The following PTPN14 variants were observed in gnomAD, a reference collection of about 807,000 sequenced individuals.
PTPN14 encodes protein tyrosine phosphatase non-receptor type 14, also known as tyrosine-protein phosphatase non-receptor type 14.
A neutral mutation model predicts 126.8 loss-of-function variants in PTPN14; 53 were observed. The observed-to-expected ratio is 0.42, with a 90% CI of 0.34 to 0.53. The LOEUF is 0.53. Ranked by LOEUF, PTPN14 falls within the 20% of genes least tolerant of loss-of-function variation. The probability of loss-of-function intolerance (pLI) is 0.08; values close to 1 mark genes in which losing one functional copy is unlikely to be tolerated. For synonymous variants in PTPN14, 630 were observed against 599.3 expected (o/e 1.05, Z -0.75); for missense variants, 1,257 against 1,552.9 (o/e 0.81, Z 3.20).
chr1:214,393,161 G>A (rs868182458), intron 10 of PTPN14, among the ~76,000 whole-genome samples: 12 of 152,164 alleles, frequency 7.9e-5, no homozygotes, highest in African/African-American at 1.9e-4. Context: ...AAATACACAC[G>A]GATTTGTGAC....
chr1:214,509,341 GC>G (rs1654915452), intron 1 of PTPN14, among the ~76,000 whole-genome samples: 1 of 152,208 alleles, frequency 6.6e-6, no homozygotes, highest in Non-Finnish European at 1.5e-5. Context: ...TATGGAAACA[GC>G]TTCTTTCCTT....
rs17022853 is a variant in PTPN14 at position 214,414,569 on chromosome 1, A to G, written c.442+60T>C. The G allele has an allele frequency of 2.3e-3, 3,389 of 1,447,364 alleles. 72 individuals carry two copies. The African/African-American group carries it at 0.04, about 17-fold the overall frequency. 89.7% of individuals were successfully genotyped at this position (1,447,364 alleles called of 1,614,324 possible). On this transcript the variant is annotated intron_variant, in intron 4 of 18. Transcript: ENST00000366956. ...ATCTAACTTCTCACTCTGAGAGGCC[A>G]GCAACACCATGATCAAACAGAAAAT...
chr1:214,486,771 T>C (rs1349273960), intron 1 of PTPN14, among the ~76,000 whole-genome samples: 1 of 151,990 alleles, frequency 6.6e-6, no homozygotes, highest in African/African-American at 2.4e-5. Flanking sequence ...CCCTGAACCC[T>C]CTCCCATTCC....
chr1:214,489,801 T>C (rs926387044), intron 1 of PTPN14, among the ~76,000 whole-genome samples: 2 of 152,172 alleles, frequency 1.3e-5, no homozygotes, highest in African/African-American at 4.8e-5. Flanking sequence ...AAGGACTTAT[T>C]CTAGGATGGT....
intron 3 of PTPN14, among the ~76,000 whole-genome samples, chr1:214,428,565 C>T (rs1659721027): frequency 6.6e-6 from 1 of 152,192 alleles, no homozygotes; most frequent in African/African-American, 2.4e-5. Flanking sequence ...CTCAAATCCT[C>T]TGCCTATTTT....
intron 1 of PTPN14, among the ~76,000 whole-genome samples, chr1:214,499,388 T>C (rs1360216976): frequency 2.6e-5 from 4 of 152,084 alleles, no homozygotes; most frequent in Non-Finnish European, 5.9e-5. Context: ...GGCATATATA[T>C]ATATATATGC....
intron 5 of PTPN14, among the ~76,000 whole-genome samples, chr1:214,406,914 G>A (rs1659185243): frequency 6.6e-6 from 1 of 152,076 alleles, no homozygotes; most frequent in South Asian, 2.1e-4. Flanking sequence ...TGAGAGTAAG[G>A]CGAATAAGAA....
intron 1 of PTPN14, among the ~76,000 whole-genome samples, chr1:214,525,854 TAGG>T (rs1274139346): frequency 2.0e-5 from 3 of 152,000 alleles, no homozygotes; most frequent in Non-Finnish European, 4.4e-5. Context: ...TGGGGGATGG[TAGG>T]AGGAGGTGCA....
Position 214,355,959 on chromosome 1 carries a change from C to CTTTTTTTTTTTTTTTTTTTTTT in PTPN14, c.*1962_*1963insAAAAAAAAAAAAAAAAAAAAAA. The CTTTTTTTTTTTTTTTTTTTTTT allele has an allele frequency of 9.8e-6, 1 of 101,652 alleles. No individual in the cohort carries two copies. Among genetic ancestry groups the CTTTTTTTTTTTTTTTTTTTTTT allele is most frequent in the South Asian group, 3.3e-4 (1 of 3,044 alleles). 6.3% of individuals were successfully genotyped at this position (101,652 alleles called of 1,614,324 possible). A position where few individuals can be genotyped will look rare whatever the true frequency, so the allele number is the denominator to read the frequency against. On this transcript the variant is annotated 3_prime_UTR_variant, in exon 19 of 19. Transcript: ENST00000366956. ...TAGTTTTTCTTGACAACCTTTTTTC[C>CTTTTTTTTTTTTTTTTTTTTTT]TTTTTTTTTTTTTTTTTTGGAGGCA...
intron 3 of PTPN14, among the ~76,000 whole-genome samples, chr1:214,414,990 C>T (rs1310125010): frequency 1.3e-5 from 2 of 152,146 alleles, no homozygotes; most frequent in Non-Finnish European, 2.9e-5. Flanking sequence ...CGGGATAAAC[C>T]ACTGATAAGG....
At chr1:214,411,643 G>T (rs202229912) in intron 5 of PTPN14, 41 bp downstream of exon 5, 2 of 1,349,416 alleles carry the variant, frequency 1.5e-6, no homozygotes, top group Non-Finnish European at 2.1e-6. Flanking sequence ...AATGTCCAAA[G>T]AAGGTAGAAA....
intron 3 of PTPN14, among the ~76,000 whole-genome samples, chr1:214,420,325 T>C (rs982733344): frequency 2.0e-5 from 3 of 152,276 alleles, no homozygotes; most frequent in Admixed American, 6.5e-5. Flanking sequence ...AAGATTTTCT[T>C]GGCAAACGTT....
At chr1:214,438,639 C>T (rs1037388962) in intron 3 of PTPN14, among the ~76,000 whole-genome samples, 1 of 152,106 alleles carries the variant, frequency 6.6e-6, no homozygotes, top group Non-Finnish European at 1.5e-5. Context: ...TTGGGTTTTA[C>T]TAATCATTAA....
chr1:214,521,954 T>G (rs1655271309), intron 1 of PTPN14, among the ~76,000 whole-genome samples: 1 of 113,540 alleles, frequency 8.8e-6, no homozygotes, highest in Non-Finnish European at 1.7e-5. Flanking sequence ...TTTTTTTTTT[T>G]GAGATGGAGT....
intron 1 of PTPN14, among the ~76,000 whole-genome samples, chr1:214,522,429 C>T (rs1655283436): frequency 6.6e-6 from 1 of 152,202 alleles, no homozygotes; most frequent in African/African-American, 2.4e-5. Flanking sequence ...TGCAAAATGG[C>T]CAGTCAACAA....
intron 1 of PTPN14, among the ~76,000 whole-genome samples, chr1:214,494,916 G>A (rs1253678965): frequency 6.6e-6 from 1 of 152,030 alleles, no homozygotes. Context: ...ATGCCTGAAA[G>A]ACCTGGAATT....
chr1:214,517,024 C>G (rs1425956122), intron 1 of PTPN14, among the ~76,000 whole-genome samples: 3 of 152,152 alleles, frequency 2.0e-5, no homozygotes, highest in African/African-American at 7.2e-5. Flanking sequence ...CATCTTCCCA[C>G]CAAATATGTC....
At chr1:214,454,142 C>T (rs77426383) in intron 2 of PTPN14, among the ~76,000 whole-genome samples, 3,166 of 152,186 alleles carry the variant, frequency 0.021, 113 homozygotes, top group African/African-American at 0.071. Flanking sequence ...AATTAACATG[C>T]TATGCAGCAA....
chr1:214,471,066 AC>A (rs1660748208), intron 1 of PTPN14, among the ~76,000 whole-genome samples: 1 of 149,190 alleles, frequency 6.7e-6, no homozygotes, highest in African/African-American at 2.5e-5. Context: ...CTACACTTGA[AC>A]CCCCTAAATC....
Sources: gnomAD v4.1 joint callset for allele counts (sites outside exome capture counted in the v4.1 genomes callset) on GRCh38, gnomAD v4.1.1 for gene constraint, MANE v1.5 for transcripts, NCBI Gene and HGNC (gene_info 2026-07-23, HGNC 2026-07-21) for gene names.